SFXN5: variants seen among roughly 807,000 people sequenced by gnomAD.
SFXN5 encodes the protein sideroflexin 5.
In SFXN5, 43 loss-of-function variants were observed where a neutral mutation model predicts 50.2. The observed-to-expected ratio is 0.86, with a 90% CI of 0.67 to 1.11. SFXN5 has a LOEUF of 1.11. Ranked by LOEUF, SFXN5 falls within the 50% of genes least tolerant of loss-of-function variation. The pLI, the probability that SFXN5 is intolerant of heterozygous loss-of-function variation, is 0.00. For synonymous variants in SFXN5, 203 were observed against 185.8 expected (o/e 1.09, Z -0.75); for missense variants, 463 against 454.1 (o/e 1.02, Z -0.18).
chr2:72,970,925 C>T (rs368087012), intron 11 of SFXN5, among the ~76,000 whole-genome samples: 3 of 152,080 alleles, frequency 2.0e-5, no homozygotes, highest in East Asian at 1.9e-4. Context: ...TGAACTCAGG[C>T]GATCCACCCA....
At chr2:73,040,776 G>C (rs932983918) in intron 3 of SFXN5, 78 bp downstream of exon 3, 1 of 1,192,094 alleles carries the variant, frequency 8.4e-7, no homozygotes, top group Non-Finnish European at 1.2e-6. Context: ...AGTGGTTCTG[G>C]CTGCAGCGAA....
intron 5 of SFXN5, among the ~76,000 whole-genome samples, chr2:73,022,264 G>C (rs1022880286): frequency 1.3e-5 from 2 of 152,162 alleles, no homozygotes; most frequent in African/African-American, 4.8e-5. Context: ...GGTGGTGGGG[G>C]CTACCAGATT....
At chr2:72,986,788 G>C (rs1279581703) in intron 10 of SFXN5, among the ~76,000 whole-genome samples, 2 of 152,142 alleles carry the variant, frequency 1.3e-5, no homozygotes, top group Admixed American at 6.5e-5. Context: ...CCCAGCCTGG[G>C]GCATCTATGG....
At chr2:73,065,261 G>A (rs868103447) in intron 1 of SFXN5, among the ~76,000 whole-genome samples, 5 of 152,010 alleles carry the variant, frequency 3.3e-5, no homozygotes, top group South Asian at 2.1e-4. Flanking sequence ...CTACCACGCC[G>A]AGCTAGTTTT....
At chr2:73,047,245 A>AATATATATAT (rs1167103035) in intron 2 of SFXN5, among the ~76,000 whole-genome samples, 10 of 18,912 alleles carry the variant, frequency 5.3e-4, no homozygotes, top group East Asian at 1.6e-3. Flanking sequence ...AAAAAAAAAA[A>AATATATATAT]ATATATATAT....
At chr2:72,969,643 C>A (rs1195273315) in intron 11 of SFXN5, among the ~76,000 whole-genome samples, 3 of 151,936 alleles carry the variant, frequency 2.0e-5, no homozygotes, top group Non-Finnish European at 4.4e-5. Context: ...TGATCCACCC[C>A]CCTCAGCCTC....
At chr2:72,996,959 T>A (rs927317985) in intron 9 of SFXN5, 2 of 152,052 alleles carry the variant, frequency 1.3e-5, no homozygotes, top group Non-Finnish European at 2.9e-5. Context: ...GTGACAAGAG[T>A]TCTTTCTCCC....
In SFXN5 at chr2:72,945,997, G is replaced by A. The variant is rs898358363; in HGVS notation, c.946-898C>T. Among the ~76,000 whole-genome samples the A allele has an allele frequency of 1.3e-5, 2 of 151,946 alleles. No homozygotes were observed. The highest frequency in any genetic ancestry group is 2.4e-5 in the African/African-American group (1 of 41,336). On this transcript the variant is annotated intron_variant, in intron 13 of 13. Transcript: ENST00000272433. The surrounding 1 kb of genome is among the most constrained non-coding windows in gnomAD (Gnocchi z 5.8). ...GGAAAAAGCTGAAGGTGTCAGAGGC[G>A]AAACCCTCAGCTTCCCATCATCAAA...
At chr2:72,962,056 A>G (rs1175943543) in intron 12 of SFXN5, among the ~76,000 whole-genome samples, 1 of 152,168 alleles carries the variant, frequency 6.6e-6, no homozygotes, top group Non-Finnish European at 1.5e-5. Context: ...GTGGGGACAT[A>G]CCAGCTGGCC....
chr2:73,041,005 C>T (rs1679559210), intron 2 of SFXN5, 74 bp from the exon 3 acceptor site: 1 of 1,280,632 alleles, frequency 7.8e-7, no homozygotes, highest in Admixed American at 1.9e-5. Flanking sequence ...TGTGGGATTA[C>T]ATCAGTATCA....
At chr2:73,001,675 C>T in intron 6 of SFXN5, 97 bp from the exon 7 acceptor site, 1 of 1,164,112 alleles carries the variant, frequency 8.6e-7, no homozygotes, top group South Asian at 1.3e-5. Context: ...TGAGCTGGAT[C>T]TGTACAAACT....
At chr2:72,999,538 C>T (rs1673645180) in intron 8 of SFXN5, among the ~76,000 whole-genome samples, 1 of 151,806 alleles carries the variant, frequency 6.6e-6, no homozygotes, top group South Asian at 2.1e-4. Context: ...TAAGAAAAAG[C>T]TAAGGAACTT....
At chr2:72,947,377 T>C (rs1479885547) in intron 13 of SFXN5, among the ~76,000 whole-genome samples, 1 of 152,190 alleles carries the variant, frequency 6.6e-6, no homozygotes, top group Non-Finnish European at 1.5e-5. Flanking sequence ...ACTGAGCCCG[T>C]GGGGATGCCT....
chr2:73,048,552 T>C (rs1344526061), intron 2 of SFXN5, among the ~76,000 whole-genome samples: 3 of 152,196 alleles, frequency 2.0e-5, no homozygotes, highest in Non-Finnish European at 4.4e-5. Context: ...TGGACCAAAA[T>C]GTTAATGGTG....
At chr2:73,054,933 C>T (rs188098400) in intron 2 of SFXN5, among the ~76,000 whole-genome samples, 3 of 152,310 alleles carry the variant, frequency 2.0e-5, no homozygotes, top group Admixed American at 1.3e-4. Flanking sequence ...CCAGACAGAG[C>T]CCAGGTAAGC....
chr2:72,952,011 G>C lies in SFXN5; in HGVS notation c.946-6912C>G, dbSNP rs192860659. On this transcript the variant is annotated intron_variant, in intron 13 of 13. Transcript: ENST00000272433. ...CCCACCTTTGGGAGAGCTATCTTGAGTGTCTTTGGAGAGCAGAGGCATTAG... is the reference window on the plus strand; with the variant it reads ...CCCACCTTTGGGAGAGCTATCTTGACTGTCTTTGGAGAGCAGAGGCATTAG... Among the ~76,000 whole-genome samples, 118 of 152,224 alleles carry C rather than the reference G, an allele frequency of 7.8e-4. 2 individuals carry two copies. Among genetic ancestry groups the C allele is most frequent in the Middle Eastern group, 6.8e-3 (2 of 294 alleles).
At chr2:72,966,909 C>T (rs1297753798) in intron 12 of SFXN5, among the ~76,000 whole-genome samples, 1 of 152,212 alleles carries the variant, frequency 6.6e-6, no homozygotes, top group Non-Finnish European at 1.5e-5. Context: ...TATAAACACA[C>T]AGGCTTCCTG....
In SFXN5 at chr2:72,943,004, C is replaced by T. The variant is rs140511237; in HGVS notation, c.*2018G>A. 1 of 152,422 alleles carries T rather than the reference C, an allele frequency of 6.6e-6. No individual in the cohort carries two copies. The highest frequency in any genetic ancestry group is 1.9e-4 in the East Asian group (1 of 5,186). 9.4% of individuals were successfully genotyped at this position (152,422 alleles called of 1,614,324 possible). A position where few individuals can be genotyped will look rare whatever the true frequency, so the allele number is the denominator to read the frequency against. On this transcript the variant is annotated 3_prime_UTR_variant, in exon 14 of 14. Transcript: ENST00000272433. ...CCTAGTTCAGGCCTAGAGACCAGCA[C>T]AGCGCAGCAGTCACTGGCATATTCA...
At chr2:72,995,268 G>C (rs1277613166) in intron 9 of SFXN5, among the ~76,000 whole-genome samples, 1 of 152,216 alleles carries the variant, frequency 6.6e-6, no homozygotes, top group Non-Finnish European at 1.5e-5. Flanking sequence ...GATTGAGAGA[G>C]GCTTCCTTTG....
Sources: allele counts gnomAD v4.1 joint callset (sites outside exome capture counted in the v4.1 genomes callset), GRCh38; gene constraint gnomAD v4.1.1; non-coding constraint Gnocchi (gnomAD v3.1); transcripts MANE v1.5; gene names NCBI Gene and HGNC (gene_info 2026-07-23, HGNC 2026-07-21).